Variants in PFKP observed in about 807,000 individuals in gnomAD.
PFKP encodes phosphofructokinase, platelet.
In PFKP, 101 loss-of-function variants were observed where a neutral mutation model predicts 94.3. The observed-to-expected ratio is 1.07, with a 90% CI of 0.91 to 1.26. PFKP has a LOEUF of 1.26. Among genes scored for constraint, PFKP ranks in the 50% most tolerant of loss-of-function variants. PFKP has a pLI of 0.00. For missense variants in PFKP, 1,145 were observed against 1,103.3 expected (o/e 1.04, Z -0.53); for synonymous variants, 573 against 432.6 (o/e 1.32, Z -4.03).
At chr10:3,104,784 A>ATCTC in intron 5 of PFKP, 1 of 405,322 alleles carries the variant, frequency 2.5e-6, no homozygotes, top group Non-Finnish European at 4.5e-6. Flanking sequence ...TGCCCAATAG[A>ATCTC]GAAGGTATCT....
In PFKP at chr10:3,105,592, G is replaced by A. The variant is rs1239853898; in HGVS notation, c.774+91G>A. ...AAGTGGGACGGCATTTTAAGCAAGT[G>A]AAAAAATTTCTCTGTCTCCAGTTTG... On this transcript the variant is annotated intron_variant, in intron 7 of 21. Coordinates refer to ENST00000381125, the MANE Select transcript of PFKP (RefSeq NM_002627.5). 3 of 896,740 alleles carry A rather than the reference G, an allele frequency of 3.3e-6. No homozygotes were observed. The African/African-American group carries it at 5.0e-5, about 15-fold the overall frequency. The allele number at this position is 896,740 out of a possible 1,614,324, so 55.5% of individuals were successfully genotyped here. A position where few individuals can be genotyped will look rare whatever the true frequency, so the allele number is the denominator to read the frequency against.
chr10:3,117,519 C>T (rs139432584), intron 14 of PFKP, among the ~76,000 whole-genome samples: 335 of 152,260 alleles, frequency 2.2e-3, no homozygotes, highest in African/African-American at 7.1e-3. Context: ...CATGTAATTC[C>T]GGCTTATTGT....
rs780240517 is a variant in PFKP at position 3,067,613 on chromosome 10, C to A, written c.18C>A (p.Ser6=). ...TCCTCGCCATGGACGCGGACGACTCCCGGGCCCCCAAGGGCTCCTTGCGGA... is the reference window on the plus strand; with the variant it reads ...TCCTCGCCATGGACGCGGACGACTCACGGGCCCCCAAGGGCTCCTTGCGGA... MDADD[S]RAPKGSLRKF... is the part of the protein sequence containing the mutation. Residue 6 remains serine (S), a synonymous_variant, in exon 1 of 22, where the codon TCC becomes TCA. Coordinates refer to ENST00000381125, the MANE Select transcript of PFKP (RefSeq NM_002627.5). The A allele has an allele frequency of 6.5e-7, 1 of 1,529,958 alleles. No homozygotes were observed. The highest frequency in any genetic ancestry group is 1.2e-5 in the South Asian group (1 of 82,764). The allele number at this position is 1,529,958 out of a possible 1,614,324, so 94.8% of individuals were successfully genotyped here. A position where few individuals can be genotyped will look rare whatever the true frequency, so the allele number is the denominator to read the frequency against.
rs72778562 is a variant in PFKP at position 3,079,574 on chromosome 10, C to T, written c.113-2814C>T. Among the ~76,000 whole-genome samples, 7 of 149,176 alleles carry T rather than the reference C, an allele frequency of 4.7e-5. No homozygotes were observed. The South Asian group carries it at 8.4e-4, about 18-fold the overall frequency. ...AAGAATTTTATTCCTTCTTCTATGT[C>T]TTTCCACTTAACATTTCCTAAAATC... On this transcript the variant is annotated intron_variant, in intron 1 of 21. Transcript: ENST00000381125.
intron 21 of PFKP, 105 bp downstream of exon 21, chr10:3,135,943 A>G: frequency 1.4e-6 from 1 of 720,474 alleles, no homozygotes; most frequent in South Asian, 1.7e-5. Flanking sequence ...GGTTTGAGGA[A>G]CTGGCTTTTC....
intron 2 of PFKP, among the ~76,000 whole-genome samples, chr10:3,089,126 T>C (rs1833853819): frequency 6.6e-6 from 1 of 152,094 alleles, no homozygotes; most frequent in African/African-American, 2.4e-5. Flanking sequence ...AGAGATGGGG[T>C]TTCACCATGT....
rs758132083 is a variant in PFKP at position 3,113,150 on chromosome 10, C to A, written c.1186C>A (p.Arg396=). 1.2e-6 allele frequency: 2 copies of A among 1,613,220 alleles called. No individual in the cohort carries two copies. The highest frequency in any genetic ancestry group is 1.7e-6 in the Non-Finnish European group (2 of 1,179,684). ...TGCGGGCAACCTGAACACCTACAAG[C>A]GACTTGCCATCAAGCTGCCGGATGA... The part of the protein sequence containing the change: ...SFAGNLNTYK[R]LAIKLPDDQI... Residue 396 remains arginine (R), a synonymous_variant, in exon 12 of 22, where the codon CGA becomes AGA. Transcript: ENST00000381125.
At chr10:3,113,643 A>G (rs1836494089) in intron 13 of PFKP, 125 bp downstream of exon 13, 7 of 794,318 alleles carry the variant, frequency 8.8e-6, no homozygotes, top group Non-Finnish European at 1.1e-5. Flanking sequence ...ATCCTGTGAT[A>G]TTGTGACTGA....
intron 2 of PFKP, among the ~76,000 whole-genome samples, chr10:3,091,037 C>A (rs1229836804): frequency 6.6e-6 from 1 of 152,120 alleles, no homozygotes; most frequent in Non-Finnish European, 1.5e-5. Flanking sequence ...CTGCTGAAAG[C>A]CTGGCCTTCA....
intron 17 of PFKP, among the ~76,000 whole-genome samples, chr10:3,130,269 CAAT>C (rs1838427574): frequency 6.6e-6 from 1 of 152,194 alleles, no homozygotes. Flanking sequence ...CTTATGTCAC[CAAT>C]GATTTGAGAA....
At chr10:3,088,135 TCCCTCCC>T (rs1564280393) in intron 2 of PFKP, among the ~76,000 whole-genome samples, 1 of 124,074 alleles carries the variant, frequency 8.1e-6, no homozygotes, top group African/African-American at 3.2e-5. Context: ...CCTAATGCTA[TCCCTCCC>T]CCCTCCCCCC....
rs899387846 is a variant in PFKP at position 3,135,649 on chromosome 10, C to T, written c.2123-87C>T. The T allele has an allele frequency of 1.4e-5, 11 of 805,368 alleles. 1 individual carries two copies. The highest frequency in any genetic ancestry group is 6.4e-5 in the South Asian group (4 of 62,618). 49.9% of individuals were successfully genotyped at this position (805,368 alleles called of 1,614,324 possible). A position where few individuals can be genotyped will look rare whatever the true frequency, so the allele number is the denominator to read the frequency against. On this transcript the variant is annotated intron_variant, in intron 20 of 21. Transcript: ENST00000381125. ...CGGGTTCAGCATGGTTCTGAGGAAT[C>T]TCAGTTCTCATCTCGCCCCGTGATT...
At chr10:3,134,293 G>A (rs543289233) in intron 19 of PFKP, among the ~76,000 whole-genome samples, 190 bp from the exon 20 acceptor site, 15 of 150,804 alleles carry the variant, frequency 9.9e-5, no homozygotes, top group South Asian at 2.1e-4. Context: ...CTTACTGAGC[G>A]GGGGGAACAC....
At chr10:3,087,402 G>T (rs1006750326) in intron 2 of PFKP, among the ~76,000 whole-genome samples, 1 of 152,162 alleles carries the variant, frequency 6.6e-6, no homozygotes. Flanking sequence ...TGTCTGGCGG[G>T]GACAGCGCCT....
At position 3,101,556 on chromosome 10, in the gene PFKP, T is replaced by A; in HGVS notation, c.454+2T>A. ...TGCTGGAGGAGCTGGCCAGGAACGG[T>A]GAGTGGACACCTGCTCCTCTGTCCT... On this transcript the variant is annotated splice_donor_variant, in intron 4 of 21. Transcript: ENST00000381125. LOFTEE classifies it high-confidence loss of function. 9 of 1,529,654 alleles carry A rather than the reference T, an allele frequency of 5.9e-6. No individual in the cohort carries two copies. The highest frequency in any genetic ancestry group is 3.9e-5 in the South Asian group (3 of 77,462). 94.8% of individuals were successfully genotyped at this position (1,529,654 alleles called of 1,614,324 possible).
At position 3,067,721 on chromosome 10, in the gene PFKP, TC is replaced by T; in HGVS notation, c.112+17del. On this transcript the variant is annotated intron_variant, in intron 1 of 21. Coordinates refer to ENST00000381125, the MANE Select transcript of PFKP (RefSeq NM_002627.5). ...GGGATGCTCAAGGTGCGCGCCCCCC[TC>T]CCGGCGGCGAGGGAGGGACGGACGG... is the stretch of plus-strand genomic sequence containing the variant. The T allele has an allele frequency of 7.2e-7, 1 of 1,386,938 alleles. No individual in the cohort carries two copies. Among genetic ancestry groups the T allele is most frequent in the Non-Finnish European group, 9.6e-7 (1 of 1,039,278 alleles). 85.9% of individuals were successfully genotyped at this position (1,386,938 alleles called of 1,614,324 possible).
At chr10:3,084,245 G>A (rs1053968418) in intron 2 of PFKP, among the ~76,000 whole-genome samples, 8 of 152,162 alleles carry the variant, frequency 5.3e-5, no homozygotes, top group Non-Finnish European at 1.0e-4. Flanking sequence ...CCAGCCCCGC[G>A]CAGGGAAGGC....
chr10:3,112,385 C>T (rs1836334701), intron 11 of PFKP, 99 bp downstream of exon 11: 2 of 907,526 alleles, frequency 2.2e-6, no homozygotes, highest in Admixed American at 1.7e-5. Context: ...TTCCATGTCA[C>T]TGTGAAAAAT....
intron 2 of PFKP, among the ~76,000 whole-genome samples, chr10:3,093,174 T>A: frequency 6.6e-6 from 1 of 151,594 alleles, no homozygotes; most frequent in Non-Finnish European, 1.5e-5. Flanking sequence ...TGGCCCTGAC[T>A]TCTGGGACTG....
Sources: gnomAD v4.1 joint callset for allele counts (sites outside exome capture counted in the v4.1 genomes callset) on GRCh38, gnomAD v4.1.1 for gene constraint, MANE v1.5 for transcripts, NCBI Gene and HGNC (gene_info 2026-07-23, HGNC 2026-07-21) for gene names.